The following ROR2 variants were observed in gnomAD, a reference collection of about 807,000 sequenced individuals.
ROR2 encodes tyrosine-protein kinase transmembrane receptor ROR2.
Under a neutral mutation model 74.9 loss-of-function variants are expected in ROR2, and 33 were observed. The observed-to-expected ratio is 0.44, with a 90% CI of 0.33 to 0.59. The LOEUF (loss-of-function observed/expected upper bound fraction) is 0.59, where lower values mean the gene tolerates loss of function less well. Ranked by LOEUF, ROR2 falls within the 20% of genes least tolerant of loss-of-function variation. ROR2 has a pLI of 0.02. For synonymous variants in ROR2, 586 were observed against 558.7 expected (o/e 1.05, Z -0.69); for missense variants, 1,216 against 1,313.8 (o/e 0.93, Z 1.15).
chr9:91,843,875 A>G (rs1280026726), intron 1 of ROR2, among the ~76,000 whole-genome samples: 1 of 152,188 alleles, frequency 6.6e-6, no homozygotes, highest in African/African-American at 2.4e-5. Flanking sequence ...TCAATTCAAA[A>G]CACAACCAAC....
At chr9:91,760,140 A>G (rs1251348491) in intron 2 of ROR2, among the ~76,000 whole-genome samples, 1 of 152,132 alleles carries the variant, frequency 6.6e-6, no homozygotes, top group African/African-American at 2.4e-5. Context: ...GCCACTCCTC[A>G]GTGTTCTTTG....
At chr9:91,831,297 T>C (rs903254205) in intron 1 of ROR2, among the ~76,000 whole-genome samples, 3 of 152,084 alleles carry the variant, frequency 2.0e-5, no homozygotes, top group Non-Finnish European at 2.9e-5. Flanking sequence ...ATTAATACTT[T>C]TGTAACGTAA....
chr9:91,908,339 TCTC>T (rs1346552399), intron 1 of ROR2, among the ~76,000 whole-genome samples: 1 of 152,192 alleles, frequency 6.6e-6, no homozygotes, highest in Non-Finnish European at 1.5e-5. Context: ...AATCAGAACA[TCTC>T]CTGACCATGC....
At chr9:91,893,616 C>G (rs1830474563) in intron 1 of ROR2, among the ~76,000 whole-genome samples, 1 of 152,172 alleles carries the variant, frequency 6.6e-6, no homozygotes, top group South Asian at 2.1e-4. Context: ...CACCTCTAAT[C>G]CCCTTTGGGA....
At chr9:91,787,921 G>A (rs1315839296) in intron 1 of ROR2, among the ~76,000 whole-genome samples, 1 of 152,064 alleles carries the variant, frequency 6.6e-6, no homozygotes, top group Non-Finnish European at 1.5e-5. Context: ...ATACAACAAA[G>A]ACTTTAAATA....
At chr9:91,742,455 T>C (rs1360493260) in intron 4 of ROR2, among the ~76,000 whole-genome samples, 2 of 152,124 alleles carry the variant, frequency 1.3e-5, no homozygotes, top group Non-Finnish European at 2.9e-5. Context: ...GTAGTGAAGA[T>C]GTGGGGTATT....
intron 1 of ROR2, among the ~76,000 whole-genome samples, chr9:91,829,457 G>C (rs1219178258): frequency 6.8e-6 from 1 of 148,046 alleles, no homozygotes; most frequent in Non-Finnish European, 1.5e-5. Flanking sequence ...GGCTGAAGCA[G>C]GAGAATCACT....
intron 1 of ROR2, among the ~76,000 whole-genome samples, chr9:91,854,144 C>T (rs1829201030): frequency 6.6e-6 from 1 of 152,156 alleles, no homozygotes. Context: ...TCAGAGCTGC[C>T]CACCCCCATA....
At chr9:91,852,628 C>CACACACAT (rs1829135090) in intron 1 of ROR2, among the ~76,000 whole-genome samples, 1 of 135,614 alleles carries the variant, frequency 7.4e-6, no homozygotes, top group Non-Finnish European at 1.5e-5. Flanking sequence ...CACACAAACA[C>CACACACAT]ACACACACAC....
chr9:91,925,066 G>A (rs530643405), intron 1 of ROR2, among the ~76,000 whole-genome samples: 38 of 152,044 alleles, frequency 2.5e-4, no homozygotes, highest in African/African-American at 8.7e-4. Context: ...TGCCCAGGCT[G>A]GTCTCAAACT....
chr9:91,832,325 G>A (rs2119188135), intron 1 of ROR2, among the ~76,000 whole-genome samples: 2 of 129,446 alleles, frequency 1.5e-5, no homozygotes, highest in South Asian at 5.1e-4. Flanking sequence ...TGTTAAATGA[G>A]AAGTTTGGAG....
chr9:91,919,101 G>A lies in ROR2; in HGVS notation c.97+30766C>T, dbSNP rs139184820. 1.1e-3 allele frequency among the ~76,000 whole-genome samples: 167 copies of A among 152,200 alleles called. 1 individual carries two copies. The highest frequency in any genetic ancestry group is 3.9e-3 in the African/African-American group (163 of 41,514). On this transcript the variant is annotated intron_variant, in intron 1 of 8. Coordinates refer to ENST00000375708, the MANE Select transcript of ROR2 (RefSeq NM_004560.4). ...TAACACATATAGTCCAGCTTCCCAG[G>A]TAGATTAGAAATCTTTAAGGACAAA...
At chr9:91,945,018 G>C (rs1165740141) in intron 1 of ROR2, among the ~76,000 whole-genome samples, 2 of 151,996 alleles carry the variant, frequency 1.3e-5, no homozygotes, top group African/African-American at 4.8e-5. Context: ...TAAGGCCAGA[G>C]GTAGTGAGCC....
intron 1 of ROR2, among the ~76,000 whole-genome samples, chr9:91,833,929 T>C (rs1317540124): frequency 6.6e-6 from 1 of 152,156 alleles, no homozygotes. Flanking sequence ...ATGGGATTTC[T>C]CTTTGTGTTC....
chr9:91,796,843 C>A (rs1325319895), intron 1 of ROR2, among the ~76,000 whole-genome samples: 2 of 120,410 alleles, frequency 1.7e-5, no homozygotes, highest in Admixed American at 8.2e-5. Context: ...ACACCCTGGG[C>A]TCTGTGGGTG....
At chr9:91,942,693 C>G (rs1321227818) in intron 1 of ROR2, among the ~76,000 whole-genome samples, 1 of 152,142 alleles carries the variant, frequency 6.6e-6, no homozygotes, top group Non-Finnish European at 1.5e-5. Context: ...TTAAATCATC[C>G]TGTATTTACA....
At chr9:91,863,933 G>A (rs918229932) in intron 1 of ROR2, among the ~76,000 whole-genome samples, 10 of 152,162 alleles carry the variant, frequency 6.6e-5, no homozygotes, top group African/African-American at 2.2e-4. Context: ...ATATAAAAAT[G>A]ACTAATTTGG....
chr9:91,784,893 T>A (rs1826743146), intron 1 of ROR2, among the ~76,000 whole-genome samples: 1 of 152,198 alleles, frequency 6.6e-6, no homozygotes, highest in African/African-American at 2.4e-5. Context: ...CTCGCCTTCA[T>A]GGGGCCAGGA....
At chr9:91,849,285 CA>C (rs1829026730) in intron 1 of ROR2, among the ~76,000 whole-genome samples, 1 of 152,174 alleles carries the variant, frequency 6.6e-6, no homozygotes, top group Admixed American at 6.5e-5. Context: ...AGAATCAATC[CA>C]GGGGTGAGGA....
Sources: gnomAD v4.1 joint callset for allele counts (sites outside exome capture counted in the v4.1 genomes callset) on GRCh38, gnomAD v4.1.1 for gene constraint, MANE v1.5 for transcripts, NCBI Gene and HGNC (gene_info 2026-07-23, HGNC 2026-07-21) for gene names.